The following TLK2 variants were observed in gnomAD, a reference collection of about 807,000 sequenced individuals.
TLK2 encodes the protein tousled like kinase 2.
A neutral mutation model predicts 117.3 loss-of-function variants in TLK2; 6 were observed. The observed-to-expected ratio is 0.05, with a 90% confidence interval of 0.03 to 0.10. The LOEUF (loss-of-function observed/expected upper bound fraction) is 0.10. TLK2 is among the 10% of genes least tolerant of loss of function. The probability of loss-of-function intolerance (pLI) is 1.00; values close to 1 mark genes in which losing one functional copy is unlikely to be tolerated. For synonymous variants in TLK2, 257 were observed against 316.7 expected, an observed-to-expected ratio of 0.81 and a Z score of 2.00; for missense variants, 299 against 901.2, an observed-to-expected ratio of 0.33 and a Z score of 8.56.
intron 3 of TLK2, 61 bp downstream of exon 3, chr17:62,520,905 G>T: frequency 6.3e-7 from 1 of 1,583,194 alleles, no homozygotes; most frequent in Non-Finnish European, 8.7e-7. Context: ...AGGTTTGGTG[G>T]CTCAAGGCTG....
intron 19 of TLK2, 106 bp from the exon 20 acceptor site, chr17:62,606,024 A>C (rs1169351527): frequency 2.9e-5 from 14 of 479,268 alleles, no homozygotes; most frequent in African/African-American, 7.9e-5. Flanking sequence ...AAAAAAAAAA[A>C]AACGATATTT....
chr17:62,595,486 G>A (rs1014474671), intron 16 of TLK2, among the ~76,000 whole-genome samples: 9 of 151,840 alleles, frequency 5.9e-5, no homozygotes, highest in African/African-American at 2.2e-4. Flanking sequence ...CACCACAAGC[G>A]CGAGTAATGC....
upstream of TLK2, among the ~76,000 whole-genome samples, chr17:62,476,819 C>T (rs1445400168): frequency 1.3e-5 from 2 of 151,516 alleles, no homozygotes; most frequent in African/African-American, 2.4e-5. Flanking sequence ...CGGTGGCTAA[C>T]GCTTGAAATC....
chr17:62,583,037 G>C (rs899968716), intron 15 of TLK2, among the ~76,000 whole-genome samples: 1 of 151,946 alleles, frequency 6.6e-6, no homozygotes, highest in East Asian at 1.9e-4. Context: ...TGGACACTTG[G>C]GTTGCTTCCA....
At chr17:62,484,293 C>T (rs12946343) in intron 2 of TLK2, among the ~76,000 whole-genome samples, 3 of 151,736 alleles carry the variant, frequency 2.0e-5, no homozygotes, top group Admixed American at 6.6e-5. Flanking sequence ...ATCTCCATTT[C>T]GTATGACTTC....
intron 2 of TLK2, among the ~76,000 whole-genome samples, chr17:62,515,980 A>G (rs2075549838): frequency 6.6e-6 from 1 of 151,886 alleles, no homozygotes; most frequent in African/African-American, 2.4e-5. Flanking sequence ...GCTGGAGTGC[A>G]GTGGCGCGAT....
chr17:62,599,803 C>T (rs1274435424), intron 17 of TLK2, among the ~76,000 whole-genome samples: 1 of 152,128 alleles, frequency 6.6e-6, no homozygotes, highest in Non-Finnish European at 1.5e-5. Context: ...CCCACATTGT[C>T]ACAACTTAGA....
At chr17:62,610,233 C>A (rs1598926152) in intron 21 of TLK2, among the ~76,000 whole-genome samples, 2 of 152,214 alleles carry the variant, frequency 1.3e-5, no homozygotes, top group South Asian at 4.1e-4. Flanking sequence ...AGAAGTATCT[C>A]CAAATGTTTC....
intron 9 of TLK2, among the ~76,000 whole-genome samples, chr17:62,556,794 G>A (rs1410093718): frequency 1.3e-5 from 2 of 152,066 alleles, no homozygotes; most frequent in Non-Finnish European, 2.9e-5. Flanking sequence ...TTGAATCTCT[G>A]ATTTCTCTCC....
chr17:62,591,555 A>G (rs1380043977), intron 16 of TLK2, among the ~76,000 whole-genome samples: 3 of 152,178 alleles, frequency 2.0e-5, no homozygotes, highest in African/African-American at 4.8e-5. Context: ...TGTGTGTTCT[A>G]ACACCTGCCT....
At position 62,586,117 on chromosome 17, in the gene TLK2, A is replaced by G. The variant is rs1337733724; in HGVS notation, c.1369-18A>G. 3.8e-6 allele frequency: 6 copies of G among 1,586,766 alleles called. No homozygotes were observed. The African/African-American group carries it at 8.1e-5, about 22-fold the overall frequency. On this transcript the variant is annotated intron_variant, in intron 15 of 21. Transcript: ENST00000346027. Reference sequence around the variant, plus strand: ...TTTTCTTAACATTTACCCAGTATATAATTTATTCTCTTTATAGGCATTTGA... The same window carrying G: ...TTTTCTTAACATTTACCCAGTATATGATTTATTCTCTTTATAGGCATTTGA...
intron 19 of TLK2, among the ~76,000 whole-genome samples, chr17:62,605,473 G>C (rs993466938): frequency 6.6e-6 from 1 of 151,998 alleles, no homozygotes; most frequent in African/African-American, 2.4e-5. Flanking sequence ...CCCAGGCTCC[G>C]GTGATCCTCC....
chr17:62,488,268 A>C (rs1208001225), intron 2 of TLK2, among the ~76,000 whole-genome samples: 5 of 152,146 alleles, frequency 3.3e-5, no homozygotes, highest in Non-Finnish European at 7.4e-5. Flanking sequence ...ATAAATTTTT[A>C]AGTCTGATAC....
At chr17:62,517,348 C>G (rs1469675221) in intron 2 of TLK2, among the ~76,000 whole-genome samples, 1 of 152,178 alleles carries the variant, frequency 6.6e-6, no homozygotes, top group Non-Finnish European at 1.5e-5. Flanking sequence ...AATGCCAATA[C>G]CACGATGTTT....
intron 7 of TLK2, among the ~76,000 whole-genome samples, chr17:62,549,323 T>C (rs1338806656): frequency 7.6e-6 from 1 of 130,818 alleles, no homozygotes; most frequent in Non-Finnish European, 1.6e-5. Context: ...GGCGTGAACC[T>C]GGGAGGCAGA....
intron 8 of TLK2, 130 bp downstream of exon 8, chr17:62,552,527 A>T: frequency 6.8e-7 from 1 of 1,462,692 alleles, no homozygotes. Flanking sequence ...TGTGTGTATT[A>T]TATTCATAAC....
intron 1 of TLK2, 44 bp from the exon 2 acceptor site, chr17:62,481,077 C>T: frequency 6.3e-7 from 1 of 1,595,408 alleles, no homozygotes; most frequent in South Asian, 1.1e-5. Flanking sequence ...TGCCTCCTCA[C>T]ATTTTAGTGT....
intron 6 of TLK2, among the ~76,000 whole-genome samples, chr17:62,532,199 G>T (rs1309967462): frequency 2.6e-5 from 4 of 151,656 alleles, no homozygotes; most frequent in Admixed American, 2.6e-4. Flanking sequence ...GTTGTTGTTC[G>T]CCCATATTTT....
chr17:62,527,931 C>T (rs1343754224), intron 6 of TLK2, among the ~76,000 whole-genome samples: 1 of 151,942 alleles, frequency 6.6e-6, no homozygotes, highest in African/African-American at 2.4e-5. Context: ...TTAGTAGAGA[C>T]GGGGTTTCAC....
Sources: allele counts gnomAD v4.1 joint callset (sites outside exome capture counted in the v4.1 genomes callset), GRCh38; gene constraint gnomAD v4.1.1; transcripts MANE v1.5; gene names NCBI Gene and HGNC (gene_info 2026-07-23, HGNC 2026-07-21).